The following KCNIP1 variants were observed in gnomAD, a reference collection of about 807,000 sequenced individuals.
KCNIP1 encodes potassium voltage-gated channel interacting protein 1.
KCNIP1 carries 18 observed loss-of-function variants against 33.0 expected under a neutral mutation model. The ratio of observed to expected loss-of-function variants is 0.55; its 90% CI spans 0.38 to 0.81. The LOEUF is 0.81. KCNIP1 is among the 30% of genes least tolerant of loss of function. The pLI, the probability that KCNIP1 is intolerant of heterozygous loss-of-function variation, is 0.00. For synonymous variants in KCNIP1, 93 were observed against 98.3 expected (o/e 0.95, Z 0.32); for missense variants, 238 against 271.6 (o/e 0.88, Z 0.87).
At chr5:170,475,707 G>A (rs1756842431) in intron 1 of KCNIP1, among the ~76,000 whole-genome samples, 1 of 152,162 alleles carries the variant, frequency 6.6e-6, no homozygotes, top group African/African-American at 2.4e-5. Context: ...GAGCCACAAA[G>A]GACCTCAAAG....
At chr5:170,374,027 C>A (rs1321780523) in intron 1 of KCNIP1, among the ~76,000 whole-genome samples, 3 of 152,106 alleles carry the variant, frequency 2.0e-5, no homozygotes, top group Non-Finnish European at 4.4e-5. Flanking sequence ...TCAAACTCCC[C>A]CAAACACAAG....
At chr5:170,600,914 C>G (rs935143318) in intron 1 of KCNIP1, among the ~76,000 whole-genome samples, 1 of 152,138 alleles carries the variant, frequency 6.6e-6, no homozygotes, top group African/African-American at 2.4e-5. Context: ...AGCAGATGGC[C>G]AATGAATGTT....
chr5:170,481,498 G>T (rs947769551), intron 1 of KCNIP1, among the ~76,000 whole-genome samples: 9 of 152,144 alleles, frequency 5.9e-5, no homozygotes, highest in African/African-American at 2.2e-4. Context: ...CGTGAGCATT[G>T]CTCCATTATG....
chr5:170,432,617 G>A (rs116516793), intron 1 of KCNIP1, among the ~76,000 whole-genome samples: 2 of 152,158 alleles, frequency 1.3e-5, no homozygotes, highest in Admixed American at 6.5e-5. Flanking sequence ...CCAGCCTAAC[G>A]CTCTGAAGCT....
intron 1 of KCNIP1, among the ~76,000 whole-genome samples, chr5:170,407,319 G>A (rs1755062040): frequency 6.6e-6 from 1 of 152,254 alleles, no homozygotes; most frequent in South Asian, 2.1e-4. Flanking sequence ...ACTAAGGTGG[G>A]TGCAGCTGCT....
intron 1 of KCNIP1, among the ~76,000 whole-genome samples, chr5:170,617,157 A>G (rs986048957): frequency 6.6e-6 from 1 of 152,140 alleles, no homozygotes; most frequent in Non-Finnish European, 1.5e-5. Flanking sequence ...CCTGCAATGA[A>G]GACCCCAGGT....
intron 1 of KCNIP1, chr5:170,377,837 G>T (rs1180753882): frequency 6.6e-6 from 1 of 152,278 alleles, no homozygotes; most frequent in Non-Finnish European, 1.5e-5. Context: ...CTCCCAAAGT[G>T]CTGGGATTAC....
At position 170,722,817 on chromosome 5, in the gene KCNIP1, A is replaced by C. The variant is rs1295899629; in HGVS notation, c.432A>C (p.Lys144Asn). ...TCAACAAGGACGGATACATAAACAA[A>C]GAGGTAAGTGAGCTGGGGCCAGGGG... ...YDINKDGYIN[K>N]EEMMDIVKAI... Residue 144 changes from lysine (K) to asparagine (N), a missense_variant, in exon 5 of 8, where the codon AAA becomes AAC. Coordinates refer to ENST00000328939, the MANE Select transcript of KCNIP1 (RefSeq NM_014592.4). The C allele has an allele frequency of 1.2e-6, 2 of 1,606,632 alleles. No homozygotes were observed. The highest frequency in any genetic ancestry group is 1.7e-6 in the Non-Finnish European group (2 of 1,173,378).
At chr5:170,691,922 T>C (rs967561626) in intron 1 of KCNIP1, among the ~76,000 whole-genome samples, 5 of 152,228 alleles carry the variant, frequency 3.3e-5, no homozygotes, top group African/African-American at 1.2e-4. Flanking sequence ...TACATGGAAC[T>C]GCTGTTTATA....
chr5:170,637,155 C>T (rs559262819), intron 1 of KCNIP1, among the ~76,000 whole-genome samples: 10 of 152,220 alleles, frequency 6.6e-5, no homozygotes, highest in African/African-American at 2.4e-4. Context: ...ATATGTGAAC[C>T]AAGGGGGATG....
At chr5:170,358,076 C>A (rs1259209844) in intron 1 of KCNIP1, among the ~76,000 whole-genome samples, 1 of 152,202 alleles carries the variant, frequency 6.6e-6, no homozygotes, top group Non-Finnish European at 1.5e-5. Flanking sequence ...GCCTCACAGA[C>A]TTCCTGGGGG....
intron 1 of KCNIP1, among the ~76,000 whole-genome samples, chr5:170,365,370 C>T (rs1345887064): frequency 6.6e-6 from 1 of 152,194 alleles, no homozygotes; most frequent in Non-Finnish European, 1.5e-5. Flanking sequence ...TTAGCAAGGC[C>T]GCCCATGTTC....
chr5:170,428,610 T>G (rs1755665161), intron 1 of KCNIP1, among the ~76,000 whole-genome samples: 1 of 152,184 alleles, frequency 6.6e-6, no homozygotes, highest in African/African-American at 2.4e-5. Context: ...GGATTCTGTC[T>G]GCTGTCCCAT....
At chr5:170,539,423 A>G (rs377195686) in intron 1 of KCNIP1, among the ~76,000 whole-genome samples, 1 of 152,028 alleles carries the variant, frequency 6.6e-6, no homozygotes, top group Non-Finnish European at 1.5e-5. Context: ...GCACTTTTGC[A>G]ACACCAAGCT....
At chr5:170,548,006 T>G (rs1426117667) in intron 1 of KCNIP1, among the ~76,000 whole-genome samples, 1 of 152,182 alleles carries the variant, frequency 6.6e-6, no homozygotes, top group Non-Finnish European at 1.5e-5. Flanking sequence ...ACATCGCTCC[T>G]TTTTCTGCAC....
chr5:170,540,409 C>T (rs758557543), intron 1 of KCNIP1, among the ~76,000 whole-genome samples: 1 of 152,230 alleles, frequency 6.6e-6, no homozygotes, highest in Non-Finnish European at 1.5e-5. Context: ...GGTTGTCAGA[C>T]AATGAGCCTC....
At chr5:170,456,320 G>A (rs1019027553) in intron 1 of KCNIP1, among the ~76,000 whole-genome samples, 34 of 151,956 alleles carry the variant, frequency 2.2e-4, no homozygotes, top group African/African-American at 8.0e-4. Flanking sequence ...AGGGTGGGGG[G>A]CAAGTGGAGG....
intron 1 of KCNIP1, chr5:170,422,249 G>A (rs570217093): frequency 6.6e-6 from 1 of 152,326 alleles, no homozygotes; most frequent in Non-Finnish European, 1.5e-5. Context: ...TGAGGGCAAT[G>A]AGAAAGGAAC....
intron 1 of KCNIP1, among the ~76,000 whole-genome samples, chr5:170,570,081 C>T (rs184537382): frequency 2.6e-5 from 4 of 152,288 alleles, no homozygotes; most frequent in Admixed American, 6.5e-5. Flanking sequence ...CGATGTCGTA[C>T]GTGGCAGAGC....
Sources: gnomAD v4.1 joint callset for allele counts (sites outside exome capture counted in the v4.1 genomes callset) on GRCh38, gnomAD v4.1.1 for gene constraint, MANE v1.5 for transcripts, NCBI Gene and HGNC (gene_info 2026-07-23, HGNC 2026-07-21) for gene names.